The following GFOD1 variants were observed in gnomAD, a reference collection of about 807,000 sequenced individuals.
GFOD1 encodes the protein Gfo/Idh/MocA-like oxidoreductase domain containing 1.
GFOD1 carries 9 observed loss-of-function variants against 25.4 expected under a neutral mutation model. The ratio of observed to expected loss-of-function variants is 0.35; its 90% CI spans 0.21 to 0.62. GFOD1 has a LOEUF of 0.62. Ranked by LOEUF, GFOD1 falls within the 20% of genes least tolerant of loss-of-function variation. The pLI, the probability that GFOD1 is intolerant of heterozygous loss-of-function variation, is 0.72. For missense variants in GFOD1, 403 were observed against 556.9 expected, an observed-to-expected ratio of 0.72 and a Z score of 2.78; for synonymous variants, 253 against 245.6, an observed-to-expected ratio of 1.03 and a Z score of -0.28.
chr6:13,400,971 T>C (rs577246090), intron 1 of GFOD1, among the ~76,000 whole-genome samples: 56 of 152,332 alleles, frequency 3.7e-4, no homozygotes, highest in Admixed American at 7.8e-4. Flanking sequence ...TCTGTCAATA[T>C]CCTCAGCAAG....
chr6:13,388,295 T>C (rs992833273), intron 1 of GFOD1, among the ~76,000 whole-genome samples: 1 of 152,156 alleles, frequency 6.6e-6, no homozygotes, highest in African/African-American at 2.4e-5. Flanking sequence ...AAAAAGAGCC[T>C]GCATAGCCAA....
chr6:13,471,584 C>T (rs58995167), intron 1 of GFOD1, among the ~76,000 whole-genome samples: 2 of 152,206 alleles, frequency 1.3e-5, no homozygotes, highest in African/African-American at 4.8e-5. Context: ...AGAGTCCTTA[C>T]TAATAAATCC....
chr6:13,425,302 A>G (rs544135320), intron 1 of GFOD1, among the ~76,000 whole-genome samples: 2 of 152,084 alleles, frequency 1.3e-5, no homozygotes, highest in Non-Finnish European at 2.9e-5. Context: ...GTTAGTTACC[A>G]TTGTTGCCAC....
At chr6:13,416,275 T>A (rs534822687) in intron 1 of GFOD1, among the ~76,000 whole-genome samples, 1 of 152,306 alleles carries the variant, frequency 6.6e-6, no homozygotes, top group Middle Eastern at 3.4e-3. Context: ...TTATAAATTG[T>A]CCAGTCTCAA....
At chr6:13,371,502 T>C (rs930289300) in intron 1 of GFOD1, among the ~76,000 whole-genome samples, 16 of 152,114 alleles carry the variant, frequency 1.1e-4, no homozygotes, top group African/African-American at 3.9e-4. Context: ...ATCAAAAACT[T>C]TGGGACTTCA....
In GFOD1 at chr6:13,385,672, T is replaced by C. The variant is rs556869856; in HGVS notation, c.254-20010A>G. 3.3e-5 allele frequency among the ~76,000 whole-genome samples: 5 copies of C among 152,348 alleles called. No homozygotes were observed. The South Asian group carries it at 1.0e-3, about 32-fold the overall frequency. ...TGAGCAACTTTTGTATGCAGGTTAA[T>C]TTCTACTTGAAGAATAAAAAGAAAT... On this transcript the variant is annotated intron_variant, in intron 1 of 1. Coordinates refer to ENST00000379287, the MANE Select transcript of GFOD1 (RefSeq NM_018988.4).
chr6:13,433,051 C>G (rs2127570545), intron 1 of GFOD1, among the ~76,000 whole-genome samples: 1 of 152,128 alleles, frequency 6.6e-6, no homozygotes. Flanking sequence ...CAACATGTGG[C>G]TAAGCCACAG....
At chr6:13,381,156 G>A (rs577678490) in intron 1 of GFOD1, among the ~76,000 whole-genome samples, 1 of 152,316 alleles carries the variant, frequency 6.6e-6, no homozygotes, top group South Asian at 2.1e-4. Flanking sequence ...GCTGAGTCCT[G>A]GTGCTTTGTT....
chr6:13,464,713 A>G (rs1202691434), intron 1 of GFOD1, among the ~76,000 whole-genome samples: 1 of 152,222 alleles, frequency 6.6e-6, no homozygotes. Context: ...AAGGCTTTAC[A>G]AGAAACAAAC....
chr6:13,376,113 G>C (rs1785249769), intron 1 of GFOD1, among the ~76,000 whole-genome samples: 1 of 152,200 alleles, frequency 6.6e-6, no homozygotes, highest in African/African-American at 2.4e-5. Flanking sequence ...TTCCAAGCTA[G>C]TGGCCAGCTT....
chr6:13,465,621 C>T (rs1015203494), intron 1 of GFOD1, among the ~76,000 whole-genome samples: 8 of 152,156 alleles, frequency 5.3e-5, no homozygotes, highest in African/African-American at 9.7e-5. Context: ...GTCTGGGGTG[C>T]GGCCTGGGCT....
At position 13,364,695 on chromosome 6, in the gene GFOD1, T is replaced by G; in HGVS notation, c.*48A>C. The G allele has an allele frequency of 6.6e-7, 1 of 1,505,208 alleles. No individual in the cohort carries two copies. The highest frequency in any genetic ancestry group is 9.1e-7 in the Non-Finnish European group (1 of 1,100,678). 93.2% of individuals were successfully genotyped at this position (1,505,208 alleles called of 1,614,324 possible). ...TCTCCCCTCGGCCCTTCCCTCTCTG[T>G]GGACATCCCCTGCAGAAGGCTCAAG... is the stretch of plus-strand genomic sequence containing the variant. On this transcript the variant is annotated 3_prime_UTR_variant, in exon 2 of 2. Transcript: ENST00000379287. This position sits in a 1 kb window ranked among gnomAD's most constrained non-coding sequence, Gnocchi z 4.1.
intron 1 of GFOD1, among the ~76,000 whole-genome samples, chr6:13,454,498 T>C (rs1758154716): frequency 6.6e-6 from 1 of 152,114 alleles, no homozygotes; most frequent in East Asian, 1.9e-4. Context: ...TCCAACTCAC[T>C]GGCATGCCCC....
At chr6:13,397,353 G>A (rs1372207346) in intron 1 of GFOD1, among the ~76,000 whole-genome samples, 1 of 152,218 alleles carries the variant, frequency 6.6e-6, no homozygotes, top group African/African-American at 2.4e-5. Flanking sequence ...ATCCAAATGT[G>A]AAGCCACCCT....
chr6:13,469,879 A>G (rs758554698), intron 1 of GFOD1: 1 of 1,244,940 alleles, frequency 8.0e-7, no homozygotes, highest in Non-Finnish European at 1.1e-6. Context: ...ACTATGTCTC[A>G]CACCAAATCT....
chr6:13,409,576 T>C (rs148501271), intron 1 of GFOD1, among the ~76,000 whole-genome samples: 1 of 152,286 alleles, frequency 6.6e-6, no homozygotes, highest in African/African-American at 2.4e-5. Flanking sequence ...GTATAACACA[T>C]AGTTTATTTA....
intron 1 of GFOD1, among the ~76,000 whole-genome samples, chr6:13,434,958 G>A (rs1382321100): frequency 2.0e-5 from 3 of 152,224 alleles, no homozygotes; most frequent in Non-Finnish European, 4.4e-5. Context: ...CACACATCCT[G>A]AGCGGCACAT....
rs369727650 is a variant in GFOD1, at chr6:13,409,156, A to G, written c.254-43494T>C. On this transcript the variant is annotated intron_variant, in intron 1 of 1. Transcript: ENST00000379287. ...AAGAAAGAAAGAAAGAAAGAGAGGA[A>G]AGAAAGAAAGGAAAGAGAGAGAGAG... is the stretch of plus-strand genomic sequence containing the variant. Among the ~76,000 whole-genome samples the G allele has an allele frequency of 6.1e-4, 58 of 95,496 alleles. 3 individuals are homozygous for G. The highest frequency in any genetic ancestry group is 4.4e-3 in the Middle Eastern group (1 of 228). The allele number at this position is 95,496 out of a possible 152,430, so 62.6% of individuals were successfully genotyped here.
chr6:13,437,376 C>T (rs535985067), intron 1 of GFOD1, among the ~76,000 whole-genome samples: 1 of 152,330 alleles, frequency 6.6e-6, no homozygotes, highest in South Asian at 2.1e-4. Flanking sequence ...TCCCTCCACA[C>T]TCCCTCACAT....
Sources: allele counts gnomAD v4.1 joint callset (sites outside exome capture counted in the v4.1 genomes callset), GRCh38; gene constraint gnomAD v4.1.1; non-coding constraint Gnocchi (gnomAD v3.1); transcripts MANE v1.5; gene names NCBI Gene and HGNC (gene_info 2026-07-23, HGNC 2026-07-21).